Variants in INKA2 observed in about 807,000 individuals in gnomAD.
The protein encoded by INKA2 is inka box actin regulator 2, also known as PAK4-inhibitor INKA2.
A neutral mutation model predicts 9.8 loss-of-function variants in INKA2; 3 were observed. That is an observed-to-expected ratio of 0.31 (90% CI 0.14 to 0.79). The LOEUF (loss-of-function observed/expected upper bound fraction) is 0.79. INKA2 is among the 30% of genes least tolerant of loss of function. The pLI is 0.62. For synonymous variants in INKA2, 147 were observed against 143.3 expected (o/e 1.03, Z -0.18); for missense variants, 392 against 384.4 (o/e 1.02, Z -0.17).
At chr1:111,753,211 A>G (rs1359698852) in intron 1 of INKA2, 1 of 152,228 alleles carries the variant, frequency 6.6e-6, no homozygotes, top group Non-Finnish European at 1.5e-5. Context: ...AGAATTAAGC[A>G]TCTGGGCTAG....
At chr1:111,739,407 G>A, upstream of INKA2, 1 of 1,469,994 alleles carries the variant, frequency 6.8e-7, no homozygotes, top group Non-Finnish European at 9.0e-7. Context: ...CTTCCCCAGC[G>A]GCTAGCCGCG....
chr1:111,727,952 G>A lies in INKA2; in HGVS notation c.58-148C>T, dbSNP rs527277871. On this transcript the variant is annotated intron_variant, in intron 1 of 1. Coordinates refer to ENST00000357260, the MANE Select transcript of INKA2 (RefSeq NM_019099.5). The stretch of plus-strand genomic sequence containing the variant: ...CCCCATCTCTCTATAGCCTAGTGCA[G>A]TGCAGATCAGTGCTGGGTAAAGGAA... 5.5e-6 allele frequency: 4 copies of A among 727,148 alleles called. No homozygotes were observed. In the African/African-American group the frequency reaches 6.9e-5, roughly 13 times the overall value. 45.0% of individuals were successfully genotyped at this position (727,148 alleles called of 1,614,324 possible).
chr1:111,739,064 C>A (rs1663076524), intron 1 of INKA2, 122 bp downstream of exon 1: 6 of 929,622 alleles, frequency 6.5e-6, no homozygotes, highest in Non-Finnish European at 1.0e-5. Flanking sequence ...CGCGTCCTCT[C>A]CTCTCTTCCC....
At position 111,727,420 on chromosome 1, in the gene INKA2, G is replaced by A. The variant is rs778981316; in HGVS notation, c.442C>T (p.Arg148Trp). Residue 148 changes from arginine to tryptophan, a missense_variant, in exon 2 of 2, where the codon CGG becomes TGG. Arg to Trp is a moderately radical substitution (Grantham distance 101). Coordinates refer to ENST00000357260, the MANE Select transcript of INKA2 (RefSeq NM_019099.5). ...PDDWTSTLMS[R>W]GRNRQPLVLG... ...ACCAGAGGCTGTCGATTCCGGCCCCGGGACATCAACGTGGAGGTCCAGTCA... is the reference window on the plus strand; with the variant it reads ...ACCAGAGGCTGTCGATTCCGGCCCCAGGACATCAACGTGGAGGTCCAGTCA... 7.4e-6 allele frequency: 12 copies of A among 1,614,106 alleles called. No homozygotes were observed. The highest frequency in any genetic ancestry group is 1.0e-5 in the Non-Finnish European group (12 of 1,180,010).
chr1:111,739,172 A>T lies in INKA2; in HGVS notation c.57+14T>A, dbSNP rs773539350. 1.9e-6 allele frequency: 3 copies of T among 1,612,332 alleles called. No homozygotes were observed. The highest frequency in any genetic ancestry group is 2.2e-5 in the East Asian group (1 of 44,798). On this transcript the variant is annotated intron_variant, in intron 1 of 1. Transcript: ENST00000357260. ...GAGCAGCCCTCCCTGCCCCGGCGCC[A>T]GCTTCGCTCTTACCAGCTCCTGTTT...
intron 1 of INKA2, among the ~76,000 whole-genome samples, chr1:111,750,023 C>A (rs962240697): frequency 1.4e-4 from 21 of 152,208 alleles, no homozygotes; most frequent in Non-Finnish European, 2.9e-4. Context: ...CCAAAAGGGG[C>A]AGGTTATTTA....
chr1:111,752,252 G>T (rs1663427528), intron 1 of INKA2, among the ~76,000 whole-genome samples: 1 of 152,136 alleles, frequency 6.6e-6, no homozygotes, highest in African/African-American at 2.4e-5. Context: ...CTTCTATCTT[G>T]GGGAGGTAAG....
chr1:111,728,660 C>G (rs1571590639), intron 1 of INKA2, among the ~76,000 whole-genome samples: 1 of 152,072 alleles, frequency 6.6e-6, no homozygotes, highest in South Asian at 2.1e-4. Context: ...CTTTTATGCA[C>G]AAAATTATTT....
chr1:111,727,363 C>T lies in INKA2; in HGVS notation c.499G>A (p.Gly167Ser). Residue 167 changes from glycine to serine, a missense_variant, in exon 2 of 2, where the codon GGC (glycine) becomes AGC (serine). Coordinates refer to ENST00000357260, the MANE Select transcript of INKA2 (RefSeq NM_019099.5). ...AGTTCTGGCAAGTCTAGCCAATTGCCCACCAGGTCTGCAAAAACGTTGTCC... is the reference window on the plus strand; with the variant it reads ...AGTTCTGGCAAGTCTAGCCAATTGCTCACCAGGTCTGCAAAAACGTTGTCC... ...LGDNVFADLVGNWLDLPELEK... is the reference protein window; with the variant it reads ...LGDNVFADLVSNWLDLPELEK... The T allele has an allele frequency of 6.2e-7, 1 of 1,613,996 alleles. No individual in the cohort carries two copies. The highest frequency in any genetic ancestry group is 1.6e-4 in the Middle Eastern group (1 of 6,062).
Position 111,752,141 on chromosome 1 carries a change from CTGTT to C in INKA2, n.124+3556_124+3559del, listed in dbSNP as rs559637029. Among the ~76,000 whole-genome samples the C allele has an allele frequency of 1.8e-4, 28 of 152,316 alleles. No individual in the cohort carries two copies. The South Asian group carries it at 5.8e-3, about 32-fold the overall frequency. On this transcript the variant is annotated intron_variant and non_coding_transcript_variant, in intron 1 of 1. Coordinates refer to the INKA2 transcript ENST00000444059. Reference sequence around the variant, plus strand: ...AACGTGATGACTGGAACTACAGCAACTGTTTGGGGACCAAGGCAGAAGCCTGGGT... The same window carrying C: ...AACGTGATGACTGGAACTACAGCAACTGGGGACCAAGGCAGAAGCCTGGGT...
intron 1 of INKA2, among the ~76,000 whole-genome samples, chr1:111,734,949 C>T (rs1047214818): frequency 6.6e-6 from 1 of 152,226 alleles, no homozygotes; most frequent in Non-Finnish European, 1.5e-5. Flanking sequence ...ATAAGCTCTG[C>T]AATCAGACTG....
At chr1:111,741,135 A>G (rs1001402874), upstream of INKA2, among the ~76,000 whole-genome samples, 3 of 151,850 alleles carry the variant, frequency 2.0e-5, no homozygotes, top group African/African-American at 7.3e-5. Context: ...GAGAAACAGA[A>G]TTAATCTTTA....
chr1:111,727,223 C>T lies in INKA2; in HGVS notation c.639G>A (p.Lys213=). The change falls in exon 2 of 2, where the codon AAG becomes AAA. Residue 213 remains lysine (K), a synonymous_variant. Coordinates refer to ENST00000357260, the MANE Select transcript of INKA2 (RefSeq NM_019099.5). ...GGTCAGGCCGCACACTACGCAAGAA[C>T]TTCTTAAAGATGTTTGCTGTCAGGG... ...RFALTANIFK[K]FLRSVRPDRD... 1 of 1,614,242 alleles carries T rather than the reference C, an allele frequency of 6.2e-7. No homozygotes were observed. Among genetic ancestry groups the T allele is most frequent in the Non-Finnish European group, 8.5e-7 (1 of 1,180,048 alleles).
chr1:111,748,406 A>G (rs1483415654), intron 1 of INKA2, among the ~76,000 whole-genome samples: 3 of 152,176 alleles, frequency 2.0e-5, no homozygotes, highest in Admixed American at 1.3e-4. Flanking sequence ...CCTTCTTGTG[A>G]AGGTAAAGTA....
intron 1 of INKA2, 21 bp downstream of exon 1, chr1:111,739,165 C>A: frequency 6.2e-7 from 1 of 1,611,562 alleles, no homozygotes; most frequent in South Asian, 1.1e-5. Flanking sequence ...CTCCCTGCCC[C>A]GGCGCCAGCT....
In INKA2 at chr1:111,726,932, C is replaced by T; in HGVS notation, c.*36G>A. On this transcript the variant is annotated 3_prime_UTR_variant, in exon 2 of 2. Transcript: ENST00000357260. ...CCAGGGGCCCAGCACTGGGACCTGG[C>T]CCTTTCAGGCTCAGTCAACTTTCTG... 6.3e-7 allele frequency: 1 copy of T among 1,587,144 alleles called. No individual in the cohort carries two copies. Among genetic ancestry groups the T allele is most frequent in the Non-Finnish European group, 8.6e-7 (1 of 1,162,916 alleles).
intron 1 of INKA2, among the ~76,000 whole-genome samples, chr1:111,733,132 ACCT>A (rs1232255089): frequency 6.6e-6 from 1 of 151,648 alleles, no homozygotes; most frequent in Non-Finnish European, 1.5e-5. Context: ...TCCTCCCCAG[ACCT>A]CCTTCATGAT....
rs1662753547 is a variant in INKA2, at chr1:111,725,728, T to C, written c.*1240A>G. 1 of 167,250 alleles carries C rather than the reference T, an allele frequency of 6.0e-6. No individual in the cohort carries two copies. The highest frequency in any genetic ancestry group is 2.1e-4 in the South Asian group (1 of 4,816). The allele number at this position is 167,250 out of a possible 1,614,324, so 10.4% of individuals were successfully genotyped here. A position where few individuals can be genotyped will look rare whatever the true frequency, so the allele number is the denominator to read the frequency against. On this transcript the variant is annotated 3_prime_UTR_variant, in exon 2 of 2. Transcript: ENST00000357260. ...TTGTGGGGTATGGGGCCCTACGAACTGTTTTTTTTTATTTTTTTTGAGACA... is the reference window on the plus strand; with the variant it reads ...TTGTGGGGTATGGGGCCCTACGAACCGTTTTTTTTTATTTTTTTTGAGACA...
At chr1:111,752,844 C>T (rs909486628) in intron 1 of INKA2, among the ~76,000 whole-genome samples, 7 of 152,140 alleles carry the variant, frequency 4.6e-5, no homozygotes, top group African/African-American at 1.7e-4. Flanking sequence ...CAGGTGCCCA[C>T]CACCACGCCC....
Sources: allele counts gnomAD v4.1 joint callset (sites outside exome capture counted in the v4.1 genomes callset), GRCh38; gene constraint gnomAD v4.1.1; transcripts MANE v1.5; gene names NCBI Gene and HGNC (gene_info 2026-07-23, HGNC 2026-07-21).